MACROD2: variants seen among roughly 807,000 people sequenced by gnomAD.
MACROD2 encodes the protein ADP-ribose glycohydrolase MACROD2.
A neutral mutation model predicts 70.4 loss-of-function variants in MACROD2; 36 were observed. That is an observed-to-expected ratio of 0.51 (90% CI 0.39 to 0.68). MACROD2 has a LOEUF of 0.68. Ranked by LOEUF, MACROD2 falls within the 30% of genes least tolerant of loss-of-function variation. MACROD2 has a pLI of 0.00. For missense variants in MACROD2, 496 were observed against 538.4 expected (o/e 0.92, Z 0.78); for synonymous variants, 172 against 178.8 (o/e 0.96, Z 0.30).
chr20:15,061,414 T>C (rs1298144958), intron 5 of MACROD2, among the ~76,000 whole-genome samples: 1 of 152,208 alleles, frequency 6.6e-6, no homozygotes, highest in African/African-American at 2.4e-5. Flanking sequence ...TGTGCCCTAG[T>C]CTGTCTCCCC....
intron 5 of MACROD2, among the ~76,000 whole-genome samples, chr20:14,750,361 T>A (rs575645795): frequency 8.7e-4 from 133 of 152,282 alleles, no homozygotes; most frequent in Non-Finnish European, 1.6e-3. Context: ...AAAACGTTAA[T>A]CTTCAGTAAT....
intron 5 of MACROD2, among the ~76,000 whole-genome samples, chr20:14,803,816 C>T (rs1387111838): frequency 6.6e-6 from 1 of 152,002 alleles, no homozygotes; most frequent in Non-Finnish European, 1.5e-5. Flanking sequence ...CTATTTTTAA[C>T]ATATAACTGT....
At chr20:14,775,109 G>T (rs2072217191) in intron 5 of MACROD2, among the ~76,000 whole-genome samples, 1 of 152,030 alleles carries the variant, frequency 6.6e-6, no homozygotes, top group Admixed American at 6.6e-5. Flanking sequence ...ATTTGTGTTT[G>T]TGTGTATATG....
intron 5 of MACROD2, among the ~76,000 whole-genome samples, chr20:15,149,803 C>T (rs2145858812): frequency 6.6e-6 from 1 of 152,134 alleles, no homozygotes; most frequent in East Asian, 1.9e-4. Context: ...TCTGACTGCA[C>T]AGCCCTGCAC....
At chr20:14,938,045 C>A (rs1254612412) in intron 5 of MACROD2, among the ~76,000 whole-genome samples, 1 of 143,126 alleles carries the variant, frequency 7.0e-6, no homozygotes, top group Non-Finnish European at 1.5e-5. Flanking sequence ...TTGGATGACT[C>A]ATGTTCAATT....
At chr20:14,377,621 G>T (rs374206212) in intron 3 of MACROD2, among the ~76,000 whole-genome samples, 2 of 152,186 alleles carry the variant, frequency 1.3e-5, no homozygotes, top group Non-Finnish European at 2.9e-5. Flanking sequence ...ATTTCTTCAC[G>T]TGCAGATCTT....
At chr20:15,478,735 A>G (rs1055083200) in intron 7 of MACROD2, among the ~76,000 whole-genome samples, 1 of 152,146 alleles carries the variant, frequency 6.6e-6, no homozygotes, top group Admixed American at 6.5e-5. Context: ...GGAGTTGGCT[A>G]TTTTACAGTG....
intron 8 of MACROD2, among the ~76,000 whole-genome samples, chr20:15,667,348 C>T (rs900928231): frequency 3.3e-5 from 5 of 152,190 alleles, no homozygotes; most frequent in African/African-American, 1.2e-4. Context: ...CAAGTGATGT[C>T]GCTGCTAGGC....
At chr20:14,421,394 T>A (rs1323508091) in intron 3 of MACROD2, among the ~76,000 whole-genome samples, 1 of 152,158 alleles carries the variant, frequency 6.6e-6, no homozygotes, top group Admixed American at 6.5e-5. Flanking sequence ...TCAGTCTCCT[T>A]AGTAGTTATG....
intron 6 of MACROD2, among the ~76,000 whole-genome samples, chr20:15,305,804 AC>A (rs1245412499): frequency 2.0e-5 from 3 of 152,046 alleles, no homozygotes; most frequent in Non-Finnish European, 4.4e-5. Flanking sequence ...TAAAATTTGA[AC>A]CCTTTCCACT....
chr20:15,618,788 A>C (rs1469694971), intron 8 of MACROD2, among the ~76,000 whole-genome samples: 1 of 152,182 alleles, frequency 6.6e-6, no homozygotes, highest in Non-Finnish European at 1.5e-5. Context: ...GCCTAGACAG[A>C]GCTGATTTAT....
At chr20:14,182,592 G>C (rs1468134181) in intron 3 of MACROD2, among the ~76,000 whole-genome samples, 1 of 152,050 alleles carries the variant, frequency 6.6e-6, no homozygotes, top group Non-Finnish European at 1.5e-5. Context: ...TTTCTTCTTA[G>C]AGTTATATAG....
At chr20:14,892,867 C>G (rs147376948) in intron 5 of MACROD2, 1 of 152,070 alleles carries the variant, frequency 6.6e-6, no homozygotes, top group Non-Finnish European at 1.5e-5. Context: ...TTAGTAGAGA[C>G]GGGATTAGAA....
At chr20:15,479,958 A>G (rs6135419) in intron 7 of MACROD2, among the ~76,000 whole-genome samples, 1 of 152,360 alleles carries the variant, frequency 6.6e-6, no homozygotes, top group East Asian at 1.9e-4. Context: ...TGTGGCTAAA[A>G]TATTTGAAAA....
chr20:14,175,955 A>G (rs2081260286), intron 3 of MACROD2, among the ~76,000 whole-genome samples: 1 of 152,114 alleles, frequency 6.6e-6, no homozygotes, highest in Non-Finnish European at 1.5e-5. Flanking sequence ...TGTTGTCCTA[A>G]TTTTTCATGC....
chr20:15,068,004 C>A (rs1458523405), intron 5 of MACROD2, among the ~76,000 whole-genome samples: 1 of 152,178 alleles, frequency 6.6e-6, no homozygotes, highest in Non-Finnish European at 1.5e-5. Context: ...GTTGACACAG[C>A]TGCAAGAAGG....
At chr20:15,705,171 A>T (rs2050514815) in intron 8 of MACROD2, among the ~76,000 whole-genome samples, 1 of 152,222 alleles carries the variant, frequency 6.6e-6, no homozygotes, top group Non-Finnish European at 1.5e-5. Flanking sequence ...ACAATTCCTC[A>T]TAAAAAAATA....
chr20:15,626,956 TGAGA>T (rs762846817), intron 8 of MACROD2, among the ~76,000 whole-genome samples: 1 of 151,814 alleles, frequency 6.6e-6, no homozygotes, highest in Non-Finnish European at 1.5e-5. Flanking sequence ...TTCTAAAGCA[TGAGA>T]GAGAGTCATG....
intron 3 of MACROD2, among the ~76,000 whole-genome samples, chr20:14,457,365 G>C (rs2084316046): frequency 6.6e-6 from 1 of 152,088 alleles, no homozygotes; most frequent in African/African-American, 2.4e-5. Context: ...GGTCTAGACT[G>C]TCTGAGTTTA....
Sources: allele counts gnomAD v4.1 joint callset (sites outside exome capture counted in the v4.1 genomes callset), GRCh38; gene constraint gnomAD v4.1.1; transcripts MANE v1.5; gene names NCBI Gene and HGNC (gene_info 2026-07-23, HGNC 2026-07-21).